DCHS1: variants seen among roughly 807,000 people sequenced by gnomAD.
The protein encoded by DCHS1 is protocadherin-16.
Under a neutral mutation model 213.9 loss-of-function variants are expected in DCHS1, and 78 were observed. That is an observed-to-expected ratio of 0.36 (90% confidence interval 0.30 to 0.44). The LOEUF is 0.44. DCHS1 is among the 20% of genes least tolerant of loss of function. The pLI, the probability that DCHS1 is intolerant of heterozygous loss-of-function variation, is 1.00. For synonymous variants in DCHS1, 1,828 were observed against 1,873.7 expected (o/e 0.98, Z 0.63); for missense variants, 3,946 against 4,395.9 (o/e 0.90, Z 2.89).
intron 1 of DCHS1, among the ~76,000 whole-genome samples, chr11:6,650,990 G>A (rs1344552517): frequency 1.3e-5 from 2 of 152,322 alleles, no homozygotes; most frequent in East Asian, 3.9e-4. Context: ...GAGACTAGGT[G>A]TCAGTCTTCT....
intron 2 of DCHS1, among the ~76,000 whole-genome samples, chr11:6,636,549 A>G (rs189957150): frequency 2.6e-5 from 4 of 152,194 alleles, no homozygotes; most frequent in African/African-American, 9.6e-5. Flanking sequence ...TATGTTGTCC[A>G]GGCTGGTTTG....
chr11:6,646,081 C>T (rs1447029709), intron 1 of DCHS1, among the ~76,000 whole-genome samples: 2 of 151,984 alleles, frequency 1.3e-5, no homozygotes, highest in African/African-American at 2.4e-5. Flanking sequence ...GGCCCTCACA[C>T]CAAGAGGCAT....
At chr11:6,653,680 G>C (rs1856276193) in intron 1 of DCHS1, among the ~76,000 whole-genome samples, 1 of 152,170 alleles carries the variant, frequency 6.6e-6, no homozygotes, top group Non-Finnish European at 1.5e-5. Flanking sequence ...TGGTGTGGTT[G>C]AGAAATCATT....
rs372952479 is a variant in DCHS1 at position 6,626,639 on chromosome 11, C to T, written c.6277G>A (p.Val2093Ile). The change falls in exon 15 of 21, where the codon GTC becomes ATC. Residue 2093 changes from valine to isoleucine, a missense_variant. Val to Ile is a conservative substitution (Grantham distance 29). This residue lies in a region of DCHS1 where 3,384 missense variants were observed against 3,780.1 expected (regional missense o/e 0.90). Coordinates refer to ENST00000299441, the MANE Select transcript of DCHS1 (RefSeq NM_003737.4). This position sits in a 1 kb window ranked among gnomAD's most constrained non-coding sequence, Gnocchi z 5.2. ...GGTCCATTTGTGCCTCCTGCATGGA[C>T]GGCCCTGGGGGAGACAATAGGAGTC... ...PGTPIVSPRA[V>I]HAGGTNGPIT... The T allele has an allele frequency of 9.0e-5, 146 of 1,613,856 alleles. No individual in the cohort carries two copies. Among genetic ancestry groups the T allele is most frequent in the Middle Eastern group, 1.6e-4 (1 of 6,084 alleles).
rs1166496174 is a variant in DCHS1, at chr11:6,629,994, C to T, written c.4795+5G>A. The T allele has an allele frequency of 6.4e-7, 1 of 1,574,236 alleles. No homozygotes were observed. The highest frequency in any genetic ancestry group is 8.6e-7 in the Non-Finnish European group (1 of 1,156,366). ...CTCGCCCTCACTCCCAGACCTAACT[C>T]TCACCAGTGCTTGAGTGCAGCCGGA... On this transcript the variant is annotated splice_donor_5th_base_variant and intron_variant, in intron 10 of 20. Transcript: ENST00000299441.
rs753087458 is a variant in DCHS1, at chr11:6,633,919, G to A, written c.2088C>T (p.Ala696=). The change falls in exon 4 of 21, where the codon GCC becomes GCT. Residue 696 remains alanine (A), a synonymous_variant. Coordinates refer to ENST00000299441, the MANE Select transcript of DCHS1 (RefSeq NM_003737.4). ...YPREYAASIS[A]QSPPGTAVLR... ...GCACAGCTGTGCCTGGTGGACTCTGGGCACTTATACTGGCAGCATACTCCC... is the reference window on the plus strand; with the variant it reads ...GCACAGCTGTGCCTGGTGGACTCTGAGCACTTATACTGGCAGCATACTCCC... 3.1e-6 allele frequency: 5 copies of A among 1,613,886 alleles called. No individual in the cohort carries two copies. The African/African-American group carries it at 4.0e-5, about 13-fold the overall frequency.
rs1827961970 is a variant in DCHS1, at chr11:6,631,160, T to G, written c.3823A>C (p.Thr1275Pro). 1.2e-6 allele frequency: 2 copies of G among 1,611,150 alleles called. No homozygotes were observed. The highest frequency in any genetic ancestry group is 3.4e-5 in the Admixed American group (2 of 59,608). The change falls in exon 9 of 21, where the codon ACT (threonine) becomes CCT (proline). Residue 1275 changes from threonine (T) to proline (P), a missense_variant. By Grantham distance (38) the Thr-to-Pro change is conservative. This residue lies in a region of DCHS1 where 3,384 missense variants were observed against 3,780.1 expected (regional missense o/e 0.90). Transcript: ENST00000299441. The stretch of plus-strand genomic sequence containing the variant: ...TCTGCTCGGATCAGGGGAGCTGCAG[T>G]GAGCAGCTCCCCTGAGTGAGGGTGC... ...SLHPHSGELL[T>P]AAPLIRAERP...
Position 6,641,399 on chromosome 11 carries a change from G to A in DCHS1, c.215C>T (p.Thr72Met), listed in dbSNP as rs375542420. 9.4e-5 allele frequency: 152 copies of A among 1,613,282 alleles called. 1 individual carries two copies. In the South Asian group the frequency reaches 1.0e-3, roughly 11 times the overall value. Residue 72 changes from threonine to methionine, a missense_variant, in exon 2 of 21, where the codon ACG becomes ATG. Physicochemically the swap from Thr to Met is moderately conservative, Grantham distance 81. Around this residue, in one of 3 missense-constraint regions of DCHS1, gnomAD observed 3,384 missense variants for 3,780.1 expected, o/e 0.90. Transcript: ENST00000299441. The surrounding 1 kb of genome is among the most constrained non-coding windows in gnomAD (Gnocchi z 7.1). ...GATGAAGTACATGAGAGGAGCTGCC[G>A]TGCCTGCCGGAAGCCCCGCACTGAT... ...GDISAGLPAG[T>M]AAPLMYFISA...
intron 1 of DCHS1, among the ~76,000 whole-genome samples, chr11:6,644,838 G>A (rs1310482318): frequency 6.6e-6 from 1 of 152,206 alleles, no homozygotes; most frequent in Admixed American, 6.5e-5. Context: ...GGTCAGTCCT[G>A]TGACTACACA....
At chr11:6,631,482 G>A (rs536821033) in intron 7 of DCHS1, 75 bp from the exon 8 acceptor site, 3 of 1,602,578 alleles carry the variant, frequency 1.9e-6, no homozygotes, top group East Asian at 2.2e-5. Flanking sequence ...TCCCTCACCT[G>A]TGGGCAGGCA....
At position 6,622,281 on chromosome 11, in the gene DCHS1, TC is replaced by T; in HGVS notation, c.9394del (p.Asp3132ThrfsTer16). 6.2e-7 allele frequency: 1 copy of T among 1,607,178 alleles called. No homozygotes were observed. Among genetic ancestry groups the T allele is most frequent in the Non-Finnish European group, 8.5e-7 (1 of 1,177,400 alleles). ...CTTGCCATCTGCTGGGAAGCCATAG[TC>T]CCCAGTGGGTGCAGGGCTCAGGCCA... is the stretch of plus-strand genomic sequence containing the variant. ...GCGLSPAPTG[D>X]YGFPADGKPC... On this transcript the variant is annotated frameshift_variant, in exon 21 of 21. Transcript: ENST00000299441. LOFTEE classifies it high-confidence loss of function. The surrounding 1 kb of genome is among the most constrained non-coding windows in gnomAD (Gnocchi z 5.4).
chr11:6,655,797 T>C lies in DCHS1; in HGVS notation c.-355A>G. 1 of 941,532 alleles carries C rather than the reference T, an allele frequency of 1.1e-6. No individual in the cohort carries two copies. Among genetic ancestry groups the C allele is most frequent in the Non-Finnish European group, 1.2e-6 (1 of 801,792 alleles). 58.3% of individuals were successfully genotyped at this position (941,532 alleles called of 1,614,324 possible). A position where few individuals can be genotyped will look rare whatever the true frequency, so the allele number is the denominator to read the frequency against. On this transcript the variant is annotated 5_prime_UTR_variant, in exon 1 of 21. Transcript: ENST00000299441. Reference sequence around the variant, plus strand: ...TCCTGCACAGCCGCCCCGCCGAGGATGCGAGCTCCGCTGCCGCGGCCCCGC... The same window carrying C: ...TCCTGCACAGCCGCCCCGCCGAGGACGCGAGCTCCGCTGCCGCGGCCCCGC...
At chr11:6,653,968 C>A (rs1856281067) in intron 1 of DCHS1, among the ~76,000 whole-genome samples, 1 of 152,012 alleles carries the variant, frequency 6.6e-6, no homozygotes, top group South Asian at 2.1e-4. Context: ...TGGAATAGTT[C>A]TACAGAGTGG....
At chr11:6,633,688 T>C (rs758708218) in intron 4 of DCHS1, 40 bp from the exon 5 acceptor site, 31 of 1,609,328 alleles carry the variant, frequency 1.9e-5, no homozygotes, top group Non-Finnish European at 2.5e-5. Flanking sequence ...TAAGGAAACA[T>C]AATAGGGCTA....
intron 1 of DCHS1, among the ~76,000 whole-genome samples, chr11:6,649,039 T>C (rs1000340845): frequency 3.9e-5 from 6 of 152,056 alleles, no homozygotes; most frequent in Non-Finnish European, 8.8e-5. Context: ...AATGAAATAA[T>C]GCTAACAATA....
chr11:6,633,454 G>A lies in DCHS1; in HGVS notation c.2413C>T (p.Pro805Ser). The part of the protein sequence containing the change: ...YVFSVPEDVA[P>S]GTSVGIVQAH... The stretch of plus-strand genomic sequence containing the variant: ...TGGACTATGCCCACACTGGTGCCTG[G>A]TGCCACATCCTCTGGCACAGAAAAA... Residue 805 changes from proline (P) to serine (S), a missense_variant, in exon 5 of 21, where the codon CCA becomes TCA. Pro to Ser is a moderately conservative substitution (Grantham distance 74). Coordinates refer to ENST00000299441, the MANE Select transcript of DCHS1 (RefSeq NM_003737.4). 6.4e-7 allele frequency: 1 copy of A among 1,568,474 alleles called. No homozygotes were observed. Among genetic ancestry groups the A allele is most frequent in the Non-Finnish European group, 8.7e-7 (1 of 1,155,756 alleles).
intron 1 of DCHS1, among the ~76,000 whole-genome samples, chr11:6,647,606 C>T (rs1856182583): frequency 6.6e-6 from 1 of 152,226 alleles, no homozygotes; most frequent in South Asian, 2.1e-4. Flanking sequence ...CAGACAGTAT[C>T]TCATTTAATC....
In DCHS1 at chr11:6,627,346, G is replaced by T. The variant is rs907194720; in HGVS notation, c.5693C>A (p.Thr1898Lys). 2 of 1,608,472 alleles carry T rather than the reference G, an allele frequency of 1.2e-6. No individual in the cohort carries two copies. Among genetic ancestry groups the T allele is most frequent in the South Asian group, 2.2e-5 (2 of 90,386 alleles). Residue 1898 changes from threonine to lysine, a missense_variant, in exon 14 of 21, where the codon ACA becomes AAA. Physicochemically the swap from Thr to Lys is moderately conservative, Grantham distance 78. Coordinates refer to ENST00000299441, the MANE Select transcript of DCHS1 (RefSeq NM_003737.4). The surrounding 1 kb of genome is among the most constrained non-coding windows in gnomAD (Gnocchi z 5.4). ...GHVTYYLGAG[T>K]AGAFLLEPSS... is the part of the protein sequence containing the mutation. ...GGGCTCCAGCAGGAAGGCTCCTGCTGTACCGGCGCCCAGGTAGTAGGTCAC... is the reference window on the plus strand; with the variant it reads ...GGGCTCCAGCAGGAAGGCTCCTGCTTTACCGGCGCCCAGGTAGTAGGTCAC...
In DCHS1 at chr11:6,640,788, G is replaced by T. The variant is rs1266688556; in HGVS notation, c.826C>A (p.Gln276Lys). Reference protein sequence around the residue: ...ESLAPGSPVLQVFASDADAGV... With the variant: ...ESLAPGSPVLKVFASDADAGV... ...GCATCGGCATCAGATGCGAACACCT[G>T]CAAGACAGGACTGCCAGGGGCCAGG... Residue 276 changes from glutamine to lysine, a missense_variant, in exon 2 of 21, where the codon CAG (glutamine) becomes AAG (lysine). By Grantham distance (53) the Gln-to-Lys change is moderately conservative (BLOSUM62 1). Transcript: ENST00000299441. This position sits in a 1 kb window ranked among gnomAD's most constrained non-coding sequence, Gnocchi z 6.5. 6.2e-7 allele frequency: 1 copy of T among 1,613,912 alleles called. No homozygotes were observed. Among genetic ancestry groups the T allele is most frequent in the African/African-American group, 1.3e-5 (1 of 74,930 alleles).
Sources: gnomAD v4.1 joint callset for allele counts (sites outside exome capture counted in the v4.1 genomes callset) on GRCh38, gnomAD v4.1.1 for gene constraint, gnomAD v4.1.1 regional missense constraint, Gnocchi (gnomAD v3.1) non-coding constraint, MANE v1.5 for transcripts, NCBI Gene and HGNC (gene_info 2026-07-23, HGNC 2026-07-21) for gene names.